Variants in ZNF385D observed in about 807,000 individuals in gnomAD.
ZNF385D encodes zinc finger protein 659.
ZNF385D carries 15 observed loss-of-function variants against 35.8 expected under a neutral mutation model. That is an observed-to-expected ratio of 0.42 (90% confidence interval 0.28 to 0.64). The LOEUF is 0.64. Ranked by LOEUF, ZNF385D falls within the 30% of genes least tolerant of loss-of-function variation. The pLI is 0.23. For synonymous variants in ZNF385D, 212 were observed against 186.8 expected, an observed-to-expected ratio of 1.13 and a Z score of -1.10; for missense variants, 474 against 494.6, an observed-to-expected ratio of 0.96 and a Z score of 0.39.
At chr3:21,953,956 C>T (rs553788350) in intron 3 of ZNF385D, among the ~76,000 whole-genome samples, 42 of 151,906 alleles carry the variant, frequency 2.8e-4, no homozygotes, top group Non-Finnish European at 5.0e-4. Flanking sequence ...TTTGCTGAGC[C>T]AGATTTATAA....
intron 3 of ZNF385D, among the ~76,000 whole-genome samples, chr3:21,830,220 C>T (rs1694900261): frequency 6.6e-6 from 1 of 152,276 alleles, no homozygotes; most frequent in South Asian, 2.1e-4. Context: ...ATTCACCAAA[C>T]TGACACTCTG....
chr3:21,554,824 C>T (rs1426806094), intron 3 of ZNF385D, among the ~76,000 whole-genome samples: 1 of 152,140 alleles, frequency 6.6e-6, no homozygotes, highest in South Asian at 2.1e-4. Flanking sequence ...CCAACCACTT[C>T]CAGCTTCAGA....
At chr3:21,569,945 A>C (rs1219383494) in intron 2 of ZNF385D, among the ~76,000 whole-genome samples, 1 of 151,044 alleles carries the variant, frequency 6.6e-6, no homozygotes. Context: ...ATTAGGAGAT[A>C]TACCTAATGC....
intron 3 of ZNF385D, among the ~76,000 whole-genome samples, chr3:22,019,482 C>G (rs1697097667): frequency 1.3e-5 from 2 of 151,926 alleles, no homozygotes; most frequent in South Asian, 4.1e-4. Flanking sequence ...AGTAAAGATA[C>G]TAATTGAATT....
intron 3 of ZNF385D, among the ~76,000 whole-genome samples, chr3:21,534,655 C>T (rs2061995843): frequency 6.6e-6 from 1 of 152,128 alleles, no homozygotes; most frequent in Non-Finnish European, 1.5e-5. Context: ...AATGCAAACT[C>T]TTAACTTACA....
At chr3:22,011,459 T>C (rs188855304) in intron 3 of ZNF385D, among the ~76,000 whole-genome samples, 4 of 152,130 alleles carry the variant, frequency 2.6e-5, no homozygotes, top group Admixed American at 6.5e-5. Context: ...CAGATTAAGC[T>C]CAAGGCAAGA....
At chr3:21,834,863 TGAA>T (rs1227641298) in intron 3 of ZNF385D, among the ~76,000 whole-genome samples, 1 of 152,136 alleles carries the variant, frequency 6.6e-6, no homozygotes, top group African/African-American at 2.4e-5. Flanking sequence ...TTCCCCCTTG[TGAA>T]GAAGGTGCTT....
At chr3:21,544,421 C>G (rs1263419254) in intron 3 of ZNF385D, among the ~76,000 whole-genome samples, 1 of 152,032 alleles carries the variant, frequency 6.6e-6, no homozygotes, top group Non-Finnish European at 1.5e-5. Flanking sequence ...TGTGTAGGAA[C>G]AGTAAAATGT....
chr3:22,247,259 C>G (rs915258610), intron 2 of ZNF385D, among the ~76,000 whole-genome samples: 2 of 151,888 alleles, frequency 1.3e-5, no homozygotes, highest in Non-Finnish European at 2.9e-5. Context: ...AAAAAATAAT[C>G]ATTTCTAATT....
chr3:21,988,509 G>A (rs1452440745), intron 3 of ZNF385D, among the ~76,000 whole-genome samples: 1 of 144,228 alleles, frequency 6.9e-6, no homozygotes, highest in East Asian at 2.1e-4. Flanking sequence ...ACCCACTTGA[G>A]GAGGCAGTCT....
intron 2 of ZNF385D, among the ~76,000 whole-genome samples, chr3:22,269,823 C>T (rs1051715540): frequency 6.6e-6 from 1 of 151,754 alleles, no homozygotes; most frequent in African/African-American, 2.4e-5. Flanking sequence ...AATCTCAATG[C>T]TAACTCCAAG....
At chr3:21,939,818 T>C (rs2125270184) in intron 3 of ZNF385D, among the ~76,000 whole-genome samples, 1 of 152,318 alleles carries the variant, frequency 6.6e-6, no homozygotes, top group East Asian at 1.9e-4. Flanking sequence ...TTTCTATCAT[T>C]GGAAGGGAAG....
intron 6 of ZNF385D, 79 bp downstream of exon 6, chr3:21,425,413 A>G: frequency 7.2e-7 from 1 of 1,394,918 alleles, no homozygotes; most frequent in Non-Finnish European, 9.5e-7. Context: ...AGACAGAAAT[A>G]AAAAGGAAGG....
chr3:22,203,794 G>A (rs1175795498), intron 2 of ZNF385D, among the ~76,000 whole-genome samples: 1 of 152,102 alleles, frequency 6.6e-6, no homozygotes, highest in African/African-American at 2.4e-5. Flanking sequence ...TTTGTCTTAT[G>A]GTTTCAGTAT....
At chr3:22,259,208 T>TTATA (rs1434215088) in intron 2 of ZNF385D, among the ~76,000 whole-genome samples, 2 of 151,876 alleles carry the variant, frequency 1.3e-5, no homozygotes, top group Non-Finnish European at 2.9e-5. Context: ...ATATATTTCA[T>TTATA]TATATATATA....
intron 3 of ZNF385D, among the ~76,000 whole-genome samples, chr3:21,982,849 TG>T (rs35815879): frequency 0.11 from 16,406 of 151,776 alleles, 1,188 homozygotes; most frequent in South Asian, 0.26. Flanking sequence ...GATAATCATG[TG>T]GGTTTTTTTT....
chr3:22,104,796 T>G (rs115587321), intron 3 of ZNF385D, among the ~76,000 whole-genome samples: 1 of 152,160 alleles, frequency 6.6e-6, no homozygotes, highest in Non-Finnish European at 1.5e-5. Context: ...TGCCACGAAG[T>G]ATACTACCTG....
chr3:21,479,230 T>C (rs1400048884), intron 4 of ZNF385D, among the ~76,000 whole-genome samples: 2 of 151,812 alleles, frequency 1.3e-5, no homozygotes, highest in Admixed American at 1.3e-4. Flanking sequence ...AGGAAATGCA[T>C]ATCTTTCCGT....
At chr3:22,150,142 A>G (rs1301075876) in intron 3 of ZNF385D, among the ~76,000 whole-genome samples, 1 of 152,214 alleles carries the variant, frequency 6.6e-6, no homozygotes, top group Non-Finnish European at 1.5e-5. Flanking sequence ...AGATAATGCC[A>G]GAAATAATTA....
Sources: gnomAD v4.1 joint callset for allele counts (sites outside exome capture counted in the v4.1 genomes callset) on GRCh38, gnomAD v4.1.1 for gene constraint, MANE v1.5 for transcripts, NCBI Gene and HGNC (gene_info 2026-07-23, HGNC 2026-07-21) for gene names.